COL21A1: variants seen among roughly 807,000 people sequenced by gnomAD.
COL21A1 encodes the protein collagen alpha-1(XXI) chain.
A neutral mutation model predicts 137.9 loss-of-function variants in COL21A1; 149 were observed. The ratio of observed to expected loss-of-function variants is 1.08; its 90% CI spans 0.95 to 1.24. COL21A1 has a LOEUF of 1.24. COL21A1 is among the 50% of genes most tolerant of loss of function. The pLI, the probability that COL21A1 is intolerant of heterozygous loss-of-function variation, is 0.00. For synonymous variants in COL21A1, 456 were observed against 391.5 expected (o/e 1.16, Z -1.95); for missense variants, 1,167 against 1,158.4 (o/e 1.01, Z -0.11).
chr6:56,112,064 A>G (rs1257696016), intron 16 of COL21A1, among the ~76,000 whole-genome samples: 1 of 152,132 alleles, frequency 6.6e-6, no homozygotes, highest in Non-Finnish European at 1.5e-5. Flanking sequence ...AATAATTAAG[A>G]CTGCGTTGTT....
At chr6:56,211,187 GTA>G (rs200684085) in intron 1 of COL21A1, among the ~76,000 whole-genome samples, 3,460 of 16,994 alleles carry the variant, frequency 0.2, 162 homozygotes, top group African/African-American at 0.46. Context: ...ACATATATAT[GTA>G]TATATGTATA....
intron 16 of COL21A1, 49 bp from the exon 17 acceptor site, chr6:56,101,574 G>A: frequency 7.5e-7 from 1 of 1,326,460 alleles, no homozygotes; most frequent in South Asian, 1.3e-5. Context: ...TTTGAGGTCT[G>A]CTTACCAAAA....
intron 10 of COL21A1, among the ~76,000 whole-genome samples, chr6:56,147,650 G>GTA (rs1193976363): frequency 6.6e-6 from 1 of 151,926 alleles, no homozygotes; most frequent in Non-Finnish European, 1.5e-5. Context: ...ACATTGGTGT[G>GTA]TATATATATA....
chr6:56,368,240 G>C (rs1283385998), intron 1 of COL21A1, among the ~76,000 whole-genome samples: 2 of 152,060 alleles, frequency 1.3e-5, no homozygotes, highest in Non-Finnish European at 2.9e-5. Context: ...ATTAAAATAA[G>C]TTATTCTAGG....
intron 18 of COL21A1, among the ~76,000 whole-genome samples, chr6:56,076,560 A>G (rs1211368505): frequency 1.3e-5 from 2 of 151,522 alleles, no homozygotes; most frequent in Non-Finnish European, 3.0e-5. Context: ...TTAAAAAATT[A>G]TAAACTCTGA....
intron 1 of COL21A1, among the ~76,000 whole-genome samples, chr6:56,323,319 G>T (rs888517107): frequency 6.6e-6 from 1 of 152,066 alleles, no homozygotes; most frequent in African/African-American, 2.4e-5. Flanking sequence ...CTTGTTAATA[G>T]CTAATTGGAA....
intron 1 of COL21A1, among the ~76,000 whole-genome samples, chr6:56,305,891 T>C (rs1033383612): frequency 6.6e-6 from 1 of 151,840 alleles, no homozygotes; most frequent in African/African-American, 2.4e-5. Context: ...CCTTCCCATG[T>C]TTAGTGCTTC....
At chr6:56,146,334 T>G (rs565952983) in intron 10 of COL21A1, among the ~76,000 whole-genome samples, 6 of 152,302 alleles carry the variant, frequency 3.9e-5, no homozygotes, top group African/African-American at 1.4e-4. Context: ...GTATTTTTAA[T>G]GTCCACTGTG....
At chr6:56,271,723 GC>G (rs746703204) in intron 1 of COL21A1, among the ~76,000 whole-genome samples, 3 of 152,178 alleles carry the variant, frequency 2.0e-5, no homozygotes, top group Non-Finnish European at 2.9e-5. Flanking sequence ...TGTGGGCTTG[GC>G]CCAGGGCACC....
intron 17 of COL21A1, among the ~76,000 whole-genome samples, chr6:56,092,274 C>T (rs1048864226): frequency 1.3e-5 from 2 of 151,988 alleles, no homozygotes; most frequent in South Asian, 4.1e-4. Flanking sequence ...ACATAACAGA[C>T]AACAAAAACC....
intron 1 of COL21A1, among the ~76,000 whole-genome samples, chr6:56,368,058 C>T (rs1056025671): frequency 2.6e-5 from 4 of 152,128 alleles, no homozygotes; most frequent in African/African-American, 4.8e-5. Flanking sequence ...AAAGCATTTG[C>T]GCACAATCAT....
chr6:56,289,684 G>A (rs1230424130), intron 1 of COL21A1, among the ~76,000 whole-genome samples: 6 of 152,102 alleles, frequency 3.9e-5, no homozygotes, highest in African/African-American at 7.2e-5. Flanking sequence ...TAGGGAATCC[G>A]GGAATACCAA....
intron 1 of COL21A1, among the ~76,000 whole-genome samples, chr6:56,336,164 C>T (rs556395110): frequency 1.3e-5 from 2 of 152,188 alleles, no homozygotes; most frequent in Non-Finnish European, 1.5e-5. Context: ...GTTAGATATG[C>T]AAATTCTCTG....
chr6:56,331,921 G>C (rs1765235368), intron 1 of COL21A1: 1 of 152,118 alleles, frequency 6.6e-6, no homozygotes, highest in South Asian at 2.1e-4. Flanking sequence ...CAGAAGTACT[G>C]CTTCGTGTAC....
intron 16 of COL21A1, among the ~76,000 whole-genome samples, chr6:56,116,981 A>G (rs1378192878): frequency 6.6e-6 from 1 of 152,078 alleles, no homozygotes; most frequent in Non-Finnish European, 1.5e-5. Flanking sequence ...ACTAAGTTAT[A>G]TCACCAGAGA....
intron 12 of COL21A1, among the ~76,000 whole-genome samples, chr6:56,128,033 G>C (rs1229087353): frequency 1.3e-5 from 2 of 152,154 alleles, no homozygotes; most frequent in Non-Finnish European, 2.9e-5. Flanking sequence ...TGTAAGCATA[G>C]GGGTGGACAC....
At chr6:56,361,552 A>G (rs1765964940) in intron 1 of COL21A1, among the ~76,000 whole-genome samples, 1 of 152,214 alleles carries the variant, frequency 6.6e-6, no homozygotes, top group African/African-American at 2.4e-5. Flanking sequence ...TAAGGAAAAC[A>G]CTTGGTTACT....
intron 1 of COL21A1, among the ~76,000 whole-genome samples, chr6:56,207,451 A>C (rs1582642465): frequency 6.6e-6 from 1 of 152,068 alleles, no homozygotes; most frequent in Non-Finnish European, 1.5e-5. Flanking sequence ...ATGGATAAAT[A>C]CCTGGCCACT....
rs574654334 is a variant in COL21A1, at chr6:56,288,921, T to C, written c.-39+105050A>G. ...CCCTGTAAATTACAAGAATTCCCTATTGGGATGAAAAGTTTTAGTATTCTT... is the reference window on the plus strand; with the variant it reads ...CCCTGTAAATTACAAGAATTCCCTACTGGGATGAAAAGTTTTAGTATTCTT... On this transcript the variant is annotated intron_variant, in intron 1 of 28. Transcript: ENST00000370819. Among the ~76,000 whole-genome samples, 156 of 152,328 alleles carry C rather than the reference T, an allele frequency of 1.0e-3. 1 individual carries two copies. Among genetic ancestry groups the C allele is most frequent in the Admixed American group, 0.01 (154 of 15,300 alleles).
Sources: allele counts gnomAD v4.1 joint callset (sites outside exome capture counted in the v4.1 genomes callset), GRCh38; gene constraint gnomAD v4.1.1; transcripts MANE v1.5; gene names NCBI Gene and HGNC (gene_info 2026-07-23, HGNC 2026-07-21).